The following COL5A1 variants were observed in gnomAD, a reference collection of about 807,000 sequenced individuals.
COL5A1 encodes the protein collagen type V alpha 1 chain.
COL5A1 carries 16 observed loss-of-function variants against 263.7 expected under a neutral mutation model. The ratio of observed to expected loss-of-function variants is 0.06; its 90% CI spans 0.04 to 0.09. The LOEUF (loss-of-function observed/expected upper bound fraction) is 0.09. COL5A1 is among the 10% of genes least tolerant of loss of function. The pLI is 1.00. For missense variants in COL5A1, 2,036 were observed against 2,540.5 expected (o/e 0.80, Z 4.27); for synonymous variants, 1,012 against 1,004.5 (o/e 1.01, Z -0.14).
At chr9:134,769,100 T>C (rs1052243154) in intron 25 of COL5A1, among the ~76,000 whole-genome samples, 1 of 152,256 alleles carries the variant, frequency 6.6e-6, no homozygotes, top group African/African-American at 2.4e-5. Flanking sequence ...GTTTTGGTTT[T>C]GATTATTCCG....
intron 2 of COL5A1, among the ~76,000 whole-genome samples, chr9:134,694,242 G>C (rs1345045710): frequency 6.6e-6 from 1 of 152,266 alleles, no homozygotes; most frequent in Non-Finnish European, 1.5e-5. Flanking sequence ...CGGGGGTGGG[G>C]GTTTGGAGAC....
intron 8 of COL5A1, among the ~76,000 whole-genome samples, 189 bp from the exon 9 acceptor site, chr9:134,731,882 G>A (rs1484277132): frequency 6.6e-6 from 1 of 152,160 alleles, no homozygotes; most frequent in Admixed American, 6.5e-5. Context: ...CTGTTTCTTC[G>A]TTAGTAGTCA....
At chr9:134,759,828 A>ACC (rs150984026) in intron 18 of COL5A1, among the ~76,000 whole-genome samples, 37 of 48,294 alleles carry the variant, frequency 7.7e-4, no homozygotes, top group African/African-American at 4.9e-3. Flanking sequence ...ACACACCCAC[A>ACC]CCCCCCCACT....
chr9:134,820,300 G>A (rs1269510334), intron 58 of COL5A1, 77 bp downstream of exon 58: 2 of 1,187,184 alleles, frequency 1.7e-6, no homozygotes, highest in Admixed American at 1.8e-5. Flanking sequence ...CCAGGGGACA[G>A]GAGGCCCATC....
At position 134,818,588 on chromosome 9, in the gene COL5A1, G is replaced by C. The variant is rs1168175815; in HGVS notation, c.4231-68G>C. On this transcript the variant is annotated intron_variant, in intron 54 of 65. Coordinates refer to ENST00000371817, the MANE Select transcript of COL5A1 (RefSeq NM_000093.5). This position sits in a 1 kb window ranked among gnomAD's most constrained non-coding sequence, Gnocchi z 6.0. The stretch of plus-strand genomic sequence containing the variant: ...CAGAGGTGCCCAGGGTTTCCGAGCA[G>C]TGGTCCTGGGCCAGGGTGCCTGGAG... The C allele has an allele frequency of 8.3e-7, 1 of 1,208,754 alleles. No homozygotes were observed. The highest frequency in any genetic ancestry group is 1.9e-5 in the Admixed American group (1 of 51,928). The allele number at this position is 1,208,754 out of a possible 1,614,324, so 74.9% of individuals were successfully genotyped here.
chr9:134,641,901 G>A lies in COL5A1; in HGVS notation c.-287G>A, dbSNP rs886063670. 2.8e-5 allele frequency: 11 copies of A among 390,296 alleles called. No individual in the cohort carries two copies. The highest frequency in any genetic ancestry group is 4.5e-5 in the Non-Finnish European group (10 of 220,906). The allele number at this position is 390,296 out of a possible 1,614,324, so 24.2% of individuals were successfully genotyped here. ...GGCGGCGGCGGCGAGGAGGAGGCGA[G>A]AAGGAGTTGGAGGAGGAGGAGGAGG... On this transcript the variant is annotated 5_prime_UTR_variant, in exon 1 of 66. Transcript: ENST00000371817.
rs1283583319 is a variant in COL5A1, at chr9:134,789,762, G to A, written c.2700+554G>A. On this transcript the variant is annotated intron_variant, in intron 32 of 65. Transcript: ENST00000371817. This position sits in a 1 kb window ranked among gnomAD's most constrained non-coding sequence, Gnocchi z 4.8. ...AGGAACAGGGGGCCGGGCTGAGGGA[G>A]CTGTGTTCTCCCTGCACCTTCTGGA... Among the ~76,000 whole-genome samples, 2 of 152,236 alleles carry A rather than the reference G, an allele frequency of 1.3e-5. No individual in the cohort carries two copies. Among genetic ancestry groups the A allele is most frequent in the African/African-American group, 4.8e-5 (2 of 41,464 alleles).
At chr9:134,812,785 T>C in intron 48 of COL5A1, 73 bp downstream of exon 48, 1 of 1,069,242 alleles carries the variant, frequency 9.4e-7, no homozygotes, top group Non-Finnish European at 1.4e-6. Context: ...TGTGTGTGTG[T>C]GTCTGTGTGT....
chr9:134,703,795 A>G (rs7848041), intron 4 of COL5A1, among the ~76,000 whole-genome samples: 83,849 of 151,064 alleles, frequency 0.56, 23,538 homozygotes, highest in Admixed American at 0.68. Flanking sequence ...CCGCCACCAC[A>G]CCCAGCTAAT....
intron 18 of COL5A1, among the ~76,000 whole-genome samples, chr9:134,760,773 CA>C: frequency 7.1e-6 from 1 of 141,458 alleles, no homozygotes; most frequent in African/African-American, 2.7e-5. Flanking sequence ...ACACGAACAC[CA>C]CCTACACATG....
At chr9:134,809,033 C>T (rs1221359691) in intron 42 of COL5A1, 150 bp from the exon 43 acceptor site, 1 of 739,618 alleles carries the variant, frequency 1.4e-6, no homozygotes, top group African/African-American at 1.7e-5. Context: ...CCCTCAGTGG[C>T]CCTGGCTGAA....
Position 134,810,318 on chromosome 9 carries a change from G to A in COL5A1, c.3528+10G>A. 1 of 1,613,528 alleles carries A rather than the reference G, an allele frequency of 6.2e-7. No individual in the cohort carries two copies. The highest frequency in any genetic ancestry group is 8.5e-7 in the Non-Finnish European group (1 of 1,179,486). ...GGACAAAGGAGAACAGGTAAGTATT[G>A]GCACGGGGGCGCGCGGCAGCCCCCA... On this transcript the variant is annotated intron_variant, in intron 44 of 65. Coordinates refer to ENST00000371817, the MANE Select transcript of COL5A1 (RefSeq NM_000093.5).
chr9:134,800,234 G>A (rs999757262), intron 37 of COL5A1, among the ~76,000 whole-genome samples: 14 of 152,038 alleles, frequency 9.2e-5, no homozygotes, highest in Admixed American at 7.9e-4. Context: ...TTTTTGTTTC[G>A]TGTTAACTTT....
At chr9:134,713,497 G>A (rs1225581879) in intron 4 of COL5A1, among the ~76,000 whole-genome samples, 2 of 152,230 alleles carry the variant, frequency 1.3e-5, no homozygotes, top group Non-Finnish European at 2.9e-5. Context: ...TCTATTGGTT[G>A]ACAGAATGAA....
chr9:134,645,286 G>T (rs1168824820), intron 1 of COL5A1, among the ~76,000 whole-genome samples: 1 of 152,196 alleles, frequency 6.6e-6, no homozygotes, highest in South Asian at 2.1e-4. Context: ...GAACACAGCT[G>T]GTGCTGCCCG....
intron 4 of COL5A1, among the ~76,000 whole-genome samples, chr9:134,702,531 G>T (rs1833711133): frequency 6.6e-6 from 1 of 152,136 alleles, no homozygotes; most frequent in Admixed American, 6.5e-5. Flanking sequence ...ACTCAATCTT[G>T]GTGTTCTGCC....
At chr9:134,712,994 A>C (rs559582329) in intron 4 of COL5A1, among the ~76,000 whole-genome samples, 7 of 152,278 alleles carry the variant, frequency 4.6e-5, no homozygotes, top group Non-Finnish European at 1.0e-4. Context: ...TGGACTCTCC[A>C]AACCAGGCGT....
At chr9:134,795,204 A>G (rs1588558447) in intron 33 of COL5A1, 58 bp from the exon 34 acceptor site, 1 of 1,612,482 alleles carries the variant, frequency 6.2e-7, no homozygotes, top group East Asian at 2.2e-5. Context: ...GGGCTGGGGG[A>G]AGGCAGTGTC....
intron 1 of COL5A1, among the ~76,000 whole-genome samples, chr9:134,657,827 G>A (rs999040375): frequency 3.3e-5 from 5 of 151,836 alleles, no homozygotes; most frequent in African/African-American, 1.2e-4. Context: ...CTGGGGAGGG[G>A]GCACAGAGTC....
Sources: gnomAD v4.1 joint callset for allele counts (sites outside exome capture counted in the v4.1 genomes callset) on GRCh38, gnomAD v4.1.1 for gene constraint, Gnocchi (gnomAD v3.1) non-coding constraint, MANE v1.5 for transcripts, NCBI Gene and HGNC (gene_info 2026-07-23, HGNC 2026-07-21) for gene names.